RELL1: variants seen among roughly 807,000 people sequenced by gnomAD.
The protein encoded by RELL1 is RELT-like protein 1.
In RELL1, 10 loss-of-function variants were observed where a neutral mutation model predicts 23.0. The observed-to-expected ratio is 0.43, with a 90% CI of 0.27 to 0.74. RELL1 has a LOEUF of 0.74. Among genes scored for constraint, RELL1 ranks in the 30% least tolerant of loss-of-function variants. The pLI, the probability that RELL1 is intolerant of heterozygous loss-of-function variation, is 0.19. For synonymous variants in RELL1, 146 were observed against 146.8 expected, an observed-to-expected ratio of 0.99 and a Z score of 0.04; for missense variants, 315 against 364.4, an observed-to-expected ratio of 0.86 and a Z score of 1.10.
At chr4:37,630,075 G>T (rs1285541059) in intron 6 of RELL1, among the ~76,000 whole-genome samples, 2 of 152,064 alleles carry the variant, frequency 1.3e-5, no homozygotes, top group African/African-American at 2.4e-5. Context: ...TGACTCCAGG[G>T]TTCATGTCAG....
intron 1 of RELL1, among the ~76,000 whole-genome samples, chr4:37,673,448 T>A (rs1721911133): frequency 6.6e-6 from 1 of 152,136 alleles, no homozygotes; most frequent in African/African-American, 2.4e-5. Flanking sequence ...TGCCTCAGCA[T>A]CCCAAAGTGC....
At position 37,639,151 on chromosome 4, in the gene RELL1, G is replaced by A. The variant is rs550704210; in HGVS notation, c.386-647C>T. The stretch of plus-strand genomic sequence containing the variant: ...TGTAATCCCAGCACTTTGGGAAGCC[G>A]AGGTGGACAGATCACAAGGTCAGGA... On this transcript the variant is annotated intron_variant, in intron 3 of 6. Transcript: ENST00000454158. Among the ~76,000 whole-genome samples, 15 of 152,204 alleles carry A rather than the reference G, an allele frequency of 9.9e-5. No homozygotes were observed. In the East Asian group the frequency reaches 2.1e-3, roughly 22 times the overall value.
At chr4:37,599,683 T>C (rs1718965990) in intron 6 of RELL1, among the ~76,000 whole-genome samples, 1 of 152,194 alleles carries the variant, frequency 6.6e-6, no homozygotes, top group Non-Finnish European at 1.5e-5. Flanking sequence ...TTGTTAACCC[T>C]GTGAGGACAG....
chr4:37,589,008 T>G (rs1718456854), downstream of RELL1: 1 of 788,024 alleles, frequency 1.3e-6, no homozygotes, highest in African/African-American at 1.7e-5. Flanking sequence ...TGGGGCATGA[T>G]CAACATTGCC....
intron 6 of RELL1, chr4:37,622,714 G>C: frequency 2.3e-6 from 1 of 434,020 alleles, no homozygotes; most frequent in South Asian, 1.7e-5. Context: ...CTCTGTAAGA[G>C]TATGGTCTTC....
intron 6 of RELL1, among the ~76,000 whole-genome samples, chr4:37,601,561 A>G (rs560492068): frequency 2.6e-5 from 4 of 152,246 alleles, no homozygotes; most frequent in Non-Finnish European, 4.4e-5. Flanking sequence ...GCCCTGTGCC[A>G]ATCCAGGAAA....
At position 37,634,875 on chromosome 4, in the gene RELL1, A is replaced by G. The variant is rs1720263743; in HGVS notation, c.680+12T>C. On this transcript the variant is annotated intron_variant, in intron 5 of 6. Transcript: ENST00000454158. ...GTCACACACAAACCAAAAGCATCTG[A>G]AGGGATCTTACCTGCCAACAGAAAG... The G allele has an allele frequency of 2.5e-6, 4 of 1,612,706 alleles. No individual in the cohort carries two copies. Among genetic ancestry groups the G allele is most frequent in the African/African-American group, 1.3e-5 (1 of 74,906 alleles).
chr4:37,612,994 C>T lies in RELL1; in HGVS notation c.*352G>A, dbSNP rs1004549343. 1 of 152,156 alleles carries T rather than the reference C, an allele frequency of 6.6e-6. No individual in the cohort carries two copies. Among genetic ancestry groups the T allele is most frequent in the Non-Finnish European group, 1.5e-5 (1 of 68,066 alleles). The allele number at this position is 152,156 out of a possible 1,614,324, so 9.4% of individuals were successfully genotyped here. A position where few individuals can be genotyped will look rare whatever the true frequency, so the allele number is the denominator to read the frequency against. ...CCCCTGAGCATAAGCTCAGACTGTA[C>T]ATGAATAGTATCACTGCACATACTC... On this transcript the variant is annotated 3_prime_UTR_variant, in exon 7 of 7. Transcript: ENST00000454158.
intron 1 of RELL1, among the ~76,000 whole-genome samples, chr4:37,681,717 C>T (rs182824007): frequency 1.2e-4 from 19 of 152,078 alleles, no homozygotes; most frequent in Middle Eastern, 3.4e-3. Context: ...CTAGTAGAGA[C>T]GGGGTTTCAC....
chr4:37,675,551 G>A (rs1721999917), intron 1 of RELL1, among the ~76,000 whole-genome samples: 1 of 152,204 alleles, frequency 6.6e-6, no homozygotes, highest in African/African-American at 2.4e-5. Flanking sequence ...AGAAGCTCTA[G>A]TTAGACAAAA....
chr4:37,665,426 C>T (rs1721500123), intron 1 of RELL1: 1 of 382,294 alleles, frequency 2.6e-6, no homozygotes, highest in Non-Finnish European at 5.2e-6. Flanking sequence ...TTCCTAAACC[C>T]AGCTTGGGGA....
intron 6 of RELL1, among the ~76,000 whole-genome samples, chr4:37,594,176 C>T (rs1410170728): frequency 6.6e-6 from 1 of 152,096 alleles, no homozygotes; most frequent in African/African-American, 2.4e-5. Flanking sequence ...CCAGGATCCC[C>T]CAAAGGAAAT....
chr4:37,625,762 C>T (rs1246510543), intron 6 of RELL1, among the ~76,000 whole-genome samples: 1 of 151,928 alleles, frequency 6.6e-6, no homozygotes, highest in East Asian at 1.9e-4. Context: ...TTTAAATATC[C>T]TCACCACAAA....
At position 37,649,519 on chromosome 4, in the gene RELL1, A is replaced by C. The variant is rs770778657; in HGVS notation, c.89-19T>G. On this transcript the variant is annotated intron_variant, in intron 1 of 6. Transcript: ENST00000454158. The stretch of plus-strand genomic sequence containing the variant: ...CCATTGTCTACAGAAAGAAACATGC[A>C]TGCTGCATTAGATATCTGTCCAGGG... The C allele has an allele frequency of 1.0e-5, 16 of 1,599,784 alleles. No individual in the cohort carries two copies. Among genetic ancestry groups the C allele is most frequent in the Non-Finnish European group, 1.4e-5 (16 of 1,168,196 alleles).
intron 3 of RELL1, among the ~76,000 whole-genome samples, chr4:37,644,766 TTGAAGAA>T (rs747720304): frequency 6.6e-6 from 1 of 152,040 alleles, no homozygotes; most frequent in Non-Finnish European, 1.5e-5. Flanking sequence ...GGCCGCTACT[TTGAAGAA>T]TTTATTGAGT....
At chr4:37,599,197 A>C (rs1337464558) in intron 6 of RELL1, among the ~76,000 whole-genome samples, 1 of 152,234 alleles carries the variant, frequency 6.6e-6, no homozygotes, top group Admixed American at 6.5e-5. Context: ...AAGGCCTTGT[A>C]ACCATAATAG....
chr4:37,668,821 C>G (rs1241733034), intron 1 of RELL1, among the ~76,000 whole-genome samples: 7 of 143,478 alleles, frequency 4.9e-5, no homozygotes, highest in Non-Finnish European at 1.0e-4. Flanking sequence ...GAGCGTCTCT[C>G]CCCGGCCGCC....
chr4:37,590,029 G>A (rs1718516690), downstream of RELL1: 6 of 1,214,762 alleles, frequency 4.9e-6, no homozygotes, highest in East Asian at 9.4e-5. Context: ...AGCAGGGCCT[G>A]TGGTAAAAAG....
chr4:37,630,345 G>A (rs1272791736), intron 6 of RELL1, among the ~76,000 whole-genome samples: 1 of 147,602 alleles, frequency 6.8e-6, no homozygotes, highest in Non-Finnish European at 1.5e-5. Flanking sequence ...GTTCTGGTGC[G>A]TGTGTGTGTG....
Sources: gnomAD v4.1 joint callset for allele counts (sites outside exome capture counted in the v4.1 genomes callset) on GRCh38, gnomAD v4.1.1 for gene constraint, MANE v1.5 for transcripts, NCBI Gene and HGNC (gene_info 2026-07-23, HGNC 2026-07-21) for gene names.